MAPK6: variants seen among roughly 807,000 people sequenced by gnomAD.
The protein encoded by MAPK6 is ERK-3.
A neutral mutation model predicts 59.3 loss-of-function variants in MAPK6; 19 were observed. That is an observed-to-expected ratio of 0.32 (90% confidence interval 0.22 to 0.47). MAPK6 has a LOEUF of 0.47. Among genes scored for constraint, MAPK6 ranks in the 20% least tolerant of loss-of-function variants. The pLI, the probability that MAPK6 is intolerant of heterozygous loss-of-function variation, is 1.00. For missense variants in MAPK6, 724 were observed against 847.9 expected, an observed-to-expected ratio of 0.85 and a Z score of 1.81; for synonymous variants, 316 against 290.3, an observed-to-expected ratio of 1.09 and a Z score of -0.90.
intron 2 of MAPK6, among the ~76,000 whole-genome samples, chr15:51,985,653 A>AAAAAAAC (rs1282088371): frequency 1.3e-5 from 2 of 151,050 alleles, no homozygotes; most frequent in African/African-American, 2.4e-5. Flanking sequence ...ACACTGTCTC[A>AAAAAAAC]AAAAAACAAA....
intron 1 of MAPK6, among the ~76,000 whole-genome samples, chr15:51,977,128 G>A (rs750852155): frequency 1.3e-5 from 2 of 150,774 alleles, no homozygotes; most frequent in East Asian, 2.0e-4. Flanking sequence ...TCAGCCTCCC[G>A]AGTAGCTGGG....
At chr15:52,018,438 T>C (rs927396772), upstream of MAPK6, among the ~76,000 whole-genome samples, 6 of 152,216 alleles carry the variant, frequency 3.9e-5, no homozygotes, top group African/African-American at 1.4e-4. Flanking sequence ...ATGAAGTCAT[T>C]GAAAAAATAT....
chr15:52,066,501 C>G lies in MAPK6; in HGVS notation c.*1501C>G, dbSNP rs965005973. The G allele has an allele frequency of 2.0e-5, 3 of 152,202 alleles. No homozygotes were observed. Among genetic ancestry groups the G allele is most frequent in the Non-Finnish European group, 4.4e-5 (3 of 68,038 alleles). 9.4% of individuals were successfully genotyped at this position (152,202 alleles called of 1,614,324 possible). Reference sequence around the variant, plus strand: ...GCAGTCAGAAAACTTGAGATTTGCTCTGTAATACATCTTTGCGTAAGAACT... The same window carrying G: ...GCAGTCAGAAAACTTGAGATTTGCTGTGTAATACATCTTTGCGTAAGAACT... On this transcript the variant is annotated 3_prime_UTR_variant, in exon 6 of 6. Transcript: ENST00000261845.
chr15:52,053,627 GTTGATTGA>G (rs1175221374), intron 3 of MAPK6, among the ~76,000 whole-genome samples: 4 of 6,780 alleles, frequency 5.9e-4, no homozygotes, highest in African/African-American at 1.3e-3. Flanking sequence ...TGATTGATTG[GTTGATTGA>G]TTGATTGATT....
chr15:52,040,073 G>T lies in MAPK6; in HGVS notation c.-631-5757G>T, dbSNP rs543825144. On this transcript the variant is annotated intron_variant, in intron 1 of 5. Transcript: ENST00000261845. ...CGCCCACCATACATTAGGAGCAAGG[G>T]CTTTGTCAAAAATGCAGTGAGCAAG... is the stretch of plus-strand genomic sequence containing the variant. 5.4e-4 allele frequency among the ~76,000 whole-genome samples: 82 copies of T among 152,310 alleles called. 1 individual carries two copies. Among genetic ancestry groups the T allele is most frequent in the African/African-American group, 1.9e-3 (81 of 41,570 alleles).
chr15:52,063,200 G>C (rs1284583258), intron 5 of MAPK6, among the ~76,000 whole-genome samples: 3 of 152,056 alleles, frequency 2.0e-5, no homozygotes, highest in Non-Finnish European at 4.4e-5. Flanking sequence ...TACTAGCTGG[G>C]ACTATAGGCA....
At chr15:51,985,441 G>A (rs1045626663) in intron 2 of MAPK6, among the ~76,000 whole-genome samples, 1 of 146,574 alleles carries the variant, frequency 6.8e-6, no homozygotes, top group African/African-American at 2.5e-5. Flanking sequence ...GATCACTTGA[G>A]GTCAGAAGTT....
At chr15:52,025,195 C>G (rs917276417) in intron 1 of MAPK6, among the ~76,000 whole-genome samples, 5 of 151,976 alleles carry the variant, frequency 3.3e-5, no homozygotes, top group Non-Finnish European at 7.4e-5. Context: ...GAGCCGTGAT[C>G]GCACCGCAGC....
intron 3 of MAPK6, among the ~76,000 whole-genome samples, chr15:52,057,897 AGATTGTAAGAT>A (rs1004816013): frequency 6.6e-6 from 1 of 152,210 alleles, no homozygotes; most frequent in Non-Finnish European, 1.5e-5. Flanking sequence ...TTTATCCACA[AGATTGTAAGAT>A]CCATGAAGGC....
chr15:51,999,294 C>T (rs1284929313), intron 2 of MAPK6, among the ~76,000 whole-genome samples: 3 of 152,098 alleles, frequency 2.0e-5, no homozygotes, highest in Non-Finnish European at 4.4e-5. Flanking sequence ...CCACCGCGCC[C>T]AGCCTCCATT....
At chr15:51,985,601 G>A (rs561498917) in intron 2 of MAPK6, among the ~76,000 whole-genome samples, 1 of 152,158 alleles carries the variant, frequency 6.6e-6, no homozygotes, top group South Asian at 2.1e-4. Flanking sequence ...GTTGCAGTGA[G>A]CTGAGATTGC....
At chr15:52,049,861 C>T (rs191515630) in intron 2 of MAPK6, 132 bp from the exon 3 acceptor site, 2 of 776,792 alleles carry the variant, frequency 2.6e-6, no homozygotes, top group African/African-American at 3.5e-5. Flanking sequence ...GATCCGCCCA[C>T]CTTGGTTTCC....
In MAPK6 at chr15:52,034,280, C is replaced by T. The variant is rs368497911; in HGVS notation, c.-631-11550C>T. On this transcript the variant is annotated intron_variant, in intron 1 of 5. Transcript: ENST00000261845. ...GATTATAGGCGTGAGCCACCATGCC[C>T]GGACTCCTGGTTGCTTTTAAGAATC... Among the ~76,000 whole-genome samples, 47 of 151,950 alleles carry T rather than the reference C, an allele frequency of 3.1e-4. 5 individuals carry two copies. The highest frequency in any genetic ancestry group is 1.9e-3 in the South Asian group (9 of 4,806).
chr15:52,018,276 G>A (rs1028834372), upstream of MAPK6, among the ~76,000 whole-genome samples: 4 of 152,098 alleles, frequency 2.6e-5, no homozygotes, highest in Admixed American at 1.3e-4. Context: ...TGATCTGCCC[G>A]TCTCGGCCTC....
chr15:52,059,265 T>C (rs1275499702), intron 4 of MAPK6, among the ~76,000 whole-genome samples: 1 of 152,222 alleles, frequency 6.6e-6, no homozygotes, highest in South Asian at 2.1e-4. Flanking sequence ...TCCCTGTTCA[T>C]ATCTAAATGA....
intron 3 of MAPK6, among the ~76,000 whole-genome samples, chr15:52,013,000 AAAAAAAAAAAAAAAAAAAAAATATATAT>A (rs1403286945): frequency 0.071 from 1,298 of 18,166 alleles, 9 homozygotes; most frequent in Non-Finnish European, 0.1. Flanking sequence ...AAAAAAAAAA[AAAAAAAAAAAAAAAAAAAAAATATATAT>A]ATATATATAT....
At chr15:52,015,961 C>T (rs1566899690), upstream of MAPK6, among the ~76,000 whole-genome samples, 1 of 147,622 alleles carries the variant, frequency 6.8e-6, no homozygotes, top group Non-Finnish European at 1.5e-5. Flanking sequence ...AAGGCTGAGA[C>T]AGGAGAATAC....
intron 1 of MAPK6, among the ~76,000 whole-genome samples, chr15:52,040,470 G>T (rs546247107): frequency 6.6e-6 from 1 of 152,316 alleles, no homozygotes; most frequent in Admixed American, 6.5e-5. Flanking sequence ...AGAGCAGAAG[G>T]TTGAGGAGAA....
At chr15:52,028,472 A>G (rs960089482) in intron 1 of MAPK6, among the ~76,000 whole-genome samples, 14 of 152,148 alleles carry the variant, frequency 9.2e-5, no homozygotes, top group Non-Finnish European at 5.9e-5. Context: ...TAATATGCAG[A>G]TGTGCTTTAG....
Sources: gnomAD v4.1 joint callset for allele counts (sites outside exome capture counted in the v4.1 genomes callset) on GRCh38, gnomAD v4.1.1 for gene constraint, MANE v1.5 for transcripts, NCBI Gene and HGNC (gene_info 2026-07-23, HGNC 2026-07-21) for gene names.